The following TTC8 variants were observed in gnomAD, a reference collection of about 807,000 sequenced individuals.
TTC8 encodes the protein tetratricopeptide repeat domain 8.
Under a neutral mutation model 72.5 loss-of-function variants are expected in TTC8, and 47 were observed. The observed-to-expected ratio is 0.65, with a 90% CI of 0.51 to 0.83. TTC8 has a LOEUF of 0.83. TTC8 is among the 40% of genes least tolerant of loss of function. The probability of loss-of-function intolerance (pLI) is 0.00; values close to 1 mark genes in which losing one functional copy is unlikely to be tolerated. For synonymous variants in TTC8, 199 were observed against 221.4 expected, an observed-to-expected ratio of 0.90 and a Z score of 0.90; for missense variants, 611 against 623.2, an observed-to-expected ratio of 0.98 and a Z score of 0.21.
chr14:88,826,318 T>C (rs1273364559), intron 1 of TTC8, among the ~76,000 whole-genome samples: 1 of 152,042 alleles, frequency 6.6e-6, no homozygotes, highest in East Asian at 1.9e-4. Context: ...AGTAATCTTA[T>C]AGATATTGCT....
chr14:88,852,300 G>A (rs1424086924), intron 7 of TTC8, among the ~76,000 whole-genome samples: 1 of 152,122 alleles, frequency 6.6e-6, no homozygotes, highest in African/African-American at 2.4e-5. Flanking sequence ...GAACAAACTC[G>A]AGGGTATTAA....
Position 88,836,180 on chromosome 14 carries a change from G to A in TTC8, c.144+2458G>A, listed in dbSNP as rs148586594. Reference sequence around the variant, plus strand: ...TCTTTTTGAAAAAGTGGATTCTTACGGAATAAAAATTTTAAAAAGATATTC... The same window carrying A: ...TCTTTTTGAAAAAGTGGATTCTTACAGAATAAAAATTTTAAAAAGATATTC... On this transcript the variant is annotated intron_variant, in intron 2 of 14. Transcript: ENST00000380656. Among the ~76,000 whole-genome samples the A allele has an allele frequency of 6.4e-4, 97 of 151,978 alleles. No homozygotes were observed. In the East Asian group the frequency reaches 0.013, roughly 20 times the overall value.
intron 2 of TTC8, chr14:88,833,948 G>C: frequency 1.8e-6 from 1 of 554,714 alleles, no homozygotes; most frequent in Non-Finnish European, 3.2e-6. Flanking sequence ...TCTACTCATT[G>C]GGACTTGGAG....
chr14:88,846,787 T>C, intron 7 of TTC8: 1 of 545,260 alleles, frequency 1.8e-6, no homozygotes, highest in South Asian at 3.4e-5. Context: ...GCATATGAAC[T>C]TAAAAATTTT....
intron 7 of TTC8, among the ~76,000 whole-genome samples, chr14:88,850,636 G>A (rs1803278766): frequency 2.6e-5 from 4 of 152,182 alleles, no homozygotes; most frequent in Admixed American, 2.6e-4. Flanking sequence ...GAGGAGTCGA[G>A]ATTGTGCCAC....
intron 2 of TTC8, chr14:88,837,123 C>T (rs2094756023): frequency 4.9e-6 from 1 of 204,902 alleles, no homozygotes; most frequent in African/African-American, 2.4e-5. Flanking sequence ...AATCATAGTT[C>T]TGAAGCCTCA....
At position 88,839,303 on chromosome 14, in the gene TTC8, C is replaced by A. The variant is rs1235960949; in HGVS notation, c.145-149C>A. The A allele has an allele frequency of 1.7e-4, 128 of 735,966 alleles. No individual in the cohort carries two copies. The African/African-American group carries it at 2.2e-3, about 13-fold the overall frequency. 45.6% of individuals were successfully genotyped at this position (735,966 alleles called of 1,614,324 possible). On this transcript the variant is annotated intron_variant, in intron 2 of 14. Coordinates refer to ENST00000380656, the MANE Select transcript of TTC8 (RefSeq NM_144596.4). ...GATGGCTTCTTGTATTAGTTTTTGA[C>A]ATGGCCCTTTAAATTAAAATAATGT...
chr14:88,850,674 G>A (rs748166250), intron 7 of TTC8, among the ~76,000 whole-genome samples: 7 of 152,180 alleles, frequency 4.6e-5, no homozygotes, highest in Non-Finnish European at 8.8e-5. Context: ...GGGCAACAGA[G>A]CAAGACTGTA....
At chr14:88,824,547 G>T (rs954609483), upstream of TTC8, 7 of 606,226 alleles carry the variant, frequency 1.2e-5, no homozygotes, top group Non-Finnish European at 2.1e-5. Context: ...TTCTGCTTGC[G>T]GTTGTTTTTC....
intron 8 of TTC8, 32 bp from the exon 9 acceptor site, chr14:88,857,158 G>C: frequency 6.3e-7 from 1 of 1,588,238 alleles, no homozygotes; most frequent in Middle Eastern, 1.7e-4. Flanking sequence ...TTTTTAAGTT[G>C]AATGTCTAAT....
chr14:88,833,689 C>A lies in TTC8; in HGVS notation c.115-4C>A, dbSNP rs373629281. The A allele has an allele frequency of 8.1e-6, 13 of 1,613,270 alleles. No individual in the cohort carries two copies. The highest frequency in any genetic ancestry group is 1.1e-5 in the Non-Finnish European group (13 of 1,179,542). On this transcript the variant is annotated splice_polypyrimidine_tract_variant and splice_region_variant and intron_variant, in intron 1 of 14. Transcript: ENST00000380656. ...CTGTTTACTGCCTTCTTAATGCTTTCCAGGAACCAGATCCTGAATTGCCAG... is the reference window on the plus strand; with the variant it reads ...CTGTTTACTGCCTTCTTAATGCTTTACAGGAACCAGATCCTGAATTGCCAG...
intron 7 of TTC8, among the ~76,000 whole-genome samples, chr14:88,850,602 A>C (rs2094828944): frequency 6.6e-6 from 1 of 152,216 alleles, no homozygotes; most frequent in Admixed American, 6.5e-5. Flanking sequence ...CTGAGGCATG[A>C]AGATTGCTTG....
chr14:88,837,027 C>T (rs369899247), intron 2 of TTC8: 4 of 271,250 alleles, frequency 1.5e-5, no homozygotes, highest in East Asian at 3.2e-4. Flanking sequence ...CGCCATTGTA[C>T]TCCAGCTTGG....
chr14:88,856,305 T>C (rs1273638213), intron 8 of TTC8, among the ~76,000 whole-genome samples: 2 of 152,172 alleles, frequency 1.3e-5, no homozygotes, highest in Admixed American at 6.5e-5. Context: ...GCCACACCAA[T>C]GCTTAAGGTT....
At chr14:88,838,974 G>A (rs1031934968) in intron 2 of TTC8, among the ~76,000 whole-genome samples, 2 of 152,116 alleles carry the variant, frequency 1.3e-5, no homozygotes, top group Non-Finnish European at 2.9e-5. Context: ...TTTCAAATAT[G>A]GTTAAGTGTG....
chr14:88,842,972 C>A (rs1254202698), intron 6 of TTC8, among the ~76,000 whole-genome samples: 1 of 151,344 alleles, frequency 6.6e-6, no homozygotes, highest in Non-Finnish European at 1.5e-5. Flanking sequence ...TAAAGAAAGG[C>A]CTTGTCTTGA....
chr14:88,869,993 T>C, intron 10 of TTC8, 66 bp from the exon 11 acceptor site: 1 of 1,547,620 alleles, frequency 6.5e-7, no homozygotes. Context: ...CTTAAATCAG[T>C]CAGAAAAAAA....
In TTC8 at chr14:88,826,701, ACT is replaced by A. The variant is rs543905108; in HGVS notation, c.114+1883_114+1884del. Among the ~76,000 whole-genome samples the A allele has an allele frequency of 2.6e-3, 394 of 152,044 alleles. 2 individuals carry two copies. Among genetic ancestry groups the A allele is most frequent in the South Asian group, 7.1e-3 (34 of 4,820 alleles). On this transcript the variant is annotated intron_variant, in intron 1 of 14. Coordinates refer to ENST00000380656, the MANE Select transcript of TTC8 (RefSeq NM_144596.4). ...ACTCCACAGCCTGGGCGACAGAGAG[ACT>A]CTGTCTCAAAAAAAGAACCTTTGAT...
intron 10 of TTC8, among the ~76,000 whole-genome samples, chr14:88,864,888 T>C (rs1220567925): frequency 6.6e-6 from 1 of 152,208 alleles, no homozygotes; most frequent in East Asian, 1.9e-4. Flanking sequence ...GCCTGCACTG[T>C]GTGTGCCTTT....
Sources: gnomAD v4.1 joint callset for allele counts (sites outside exome capture counted in the v4.1 genomes callset) on GRCh38, gnomAD v4.1.1 for gene constraint, MANE v1.5 for transcripts, NCBI Gene and HGNC (gene_info 2026-07-23, HGNC 2026-07-21) for gene names.